EPB41L3: variants seen among roughly 807,000 people sequenced by gnomAD.
EPB41L3 encodes the protein band 4.1-like protein 3.
In EPB41L3, 57 loss-of-function variants were observed where a neutral mutation model predicts 127.1. The observed-to-expected ratio is 0.45, with a 90% confidence interval of 0.36 to 0.56. The LOEUF (loss-of-function observed/expected upper bound fraction) is 0.56. EPB41L3 is among the 20% of genes least tolerant of loss of function. EPB41L3 has a pLI of 0.00. For missense variants in EPB41L3, 1,273 were observed against 1,372.2 expected, an observed-to-expected ratio of 0.93 and a Z score of 1.14; for synonymous variants, 572 against 549.5, an observed-to-expected ratio of 1.04 and a Z score of -0.57.
intron 3 of EPB41L3, among the ~76,000 whole-genome samples, chr18:5,578,882 G>A: frequency 6.6e-6 from 1 of 152,224 alleles, no homozygotes; most frequent in East Asian, 1.9e-4. Context: ...ACATTCATAC[G>A]CCCTACTACC....
intron 6 of EPB41L3, among the ~76,000 whole-genome samples, chr18:5,435,785 A>G (rs1482662547): frequency 6.6e-6 from 1 of 152,238 alleles, no homozygotes; most frequent in Non-Finnish European, 1.5e-5. Context: ...AACAGATTTC[A>G]GGTAACTCAA....
intron 5 of EPB41L3, among the ~76,000 whole-genome samples, chr18:5,442,569 G>A (rs1264277332): frequency 1.3e-5 from 2 of 152,102 alleles, no homozygotes; most frequent in African/African-American, 4.8e-5. Context: ...GTATTTGCTT[G>A]CTCTTTTAAT....
At chr18:5,454,859 G>A (rs1016926117) in intron 3 of EPB41L3, among the ~76,000 whole-genome samples, 4 of 152,172 alleles carry the variant, frequency 2.6e-5, no homozygotes, top group Non-Finnish European at 2.9e-5. Context: ...CTAGAGATGA[G>A]AATTCATCTG....
At chr18:5,433,777 A>G in intron 7 of EPB41L3, 126 bp downstream of exon 7, 1 of 1,101,114 alleles carries the variant, frequency 9.1e-7, no homozygotes, top group East Asian at 2.4e-5. Context: ...TTTACTGTGC[A>G]TGGACCCACA....
intron 1 of EPB41L3, among the ~76,000 whole-genome samples, chr18:5,513,285 A>C (rs893015710): frequency 2.0e-4 from 30 of 152,168 alleles, no homozygotes; most frequent in African/African-American, 7.0e-4. Context: ...GCGTAACCTA[A>C]CCTACGCTAA....
At chr18:5,421,170 C>T (rs1303423450) in intron 11 of EPB41L3, among the ~76,000 whole-genome samples, 1 of 152,132 alleles carries the variant, frequency 6.6e-6, no homozygotes, top group Non-Finnish European at 1.5e-5. Context: ...GACAGCATGA[C>T]ATTAGTACAC....
intron 1 of EPB41L3, among the ~76,000 whole-genome samples, chr18:5,624,974 T>A (rs911012121): frequency 4.6e-5 from 7 of 151,882 alleles, no homozygotes; most frequent in African/African-American, 1.7e-4. Flanking sequence ...GGCATTTCAG[T>A]TGAAAGAAAT....
chr18:5,575,714 G>A (rs2094330580), intron 3 of EPB41L3, among the ~76,000 whole-genome samples: 1 of 152,116 alleles, frequency 6.6e-6, no homozygotes, highest in South Asian at 2.1e-4. Flanking sequence ...GTGGGTACCT[G>A]TAATCCCAGC....
Position 5,471,255 on chromosome 18 carries a change from C to T in EPB41L3, c.381+6986G>A, listed in dbSNP as rs569655332. On this transcript the variant is annotated intron_variant, in intron 3 of 22. Transcript: ENST00000341928. ...CTTTCTGAAGAAGCAGTTGAAAGGG[C>T]AGCACCGCCATCTGAACCCAGGGAA... Among the ~76,000 whole-genome samples, 3 of 152,286 alleles carry T rather than the reference C, an allele frequency of 2.0e-5. No homozygotes were observed. The South Asian group carries it at 6.2e-4, about 32-fold the overall frequency.
At chr18:5,444,031 C>T (rs1180272005) in intron 4 of EPB41L3, 151 bp from the exon 5 acceptor site, 2 of 634,510 alleles carry the variant, frequency 3.2e-6, no homozygotes, top group Non-Finnish European at 5.5e-6. Context: ...ATCTGGTGCC[C>T]CTCTGCCAAG....
chr18:5,540,005 A>T (rs1356718922), intron 1 of EPB41L3, among the ~76,000 whole-genome samples: 1 of 152,250 alleles, frequency 6.6e-6, no homozygotes, highest in Non-Finnish European at 1.5e-5. Context: ...CCCAATAAGT[A>T]AATTGCATCT....
intron 1 of EPB41L3, among the ~76,000 whole-genome samples, chr18:5,529,150 A>G (rs1487005898): frequency 2.6e-5 from 4 of 152,190 alleles, no homozygotes; most frequent in African/African-American, 9.7e-5. Flanking sequence ...GGGCTGCATA[A>G]AAGAAAATAC....
In EPB41L3 at chr18:5,397,275, C is replaced by CCCG. The variant is rs776861641; in HGVS notation, c.2621_2623dup (p.Ala874dup). The stretch of plus-strand genomic sequence containing the variant: ...CTGTGCTGCAGCATCCCCGCTGTCT[C>CCCG]CCGCCGAGTAAGAAGCATCCCCACT... On this transcript the variant is annotated inframe_insertion, in exon 18 of 23. Transcript: ENST00000341928. The surrounding 1 kb of genome is among the most constrained non-coding windows in gnomAD (Gnocchi z 4.1). The CCCG allele has an allele frequency of 6.2e-7, 1 of 1,614,180 alleles. No homozygotes were observed. The highest frequency in any genetic ancestry group is 8.5e-7 in the Non-Finnish European group (1 of 1,180,052).
chr18:5,619,588 G>A (rs184083568), intron 1 of EPB41L3, among the ~76,000 whole-genome samples: 167 of 152,252 alleles, frequency 1.1e-3, no homozygotes, highest in African/African-American at 3.9e-3. Flanking sequence ...TGCCACTTGC[G>A]ATATTCCAGC....
At chr18:5,408,626 A>T (rs1323783678) in intron 14 of EPB41L3, among the ~76,000 whole-genome samples, 3 of 151,866 alleles carry the variant, frequency 2.0e-5, no homozygotes, top group Non-Finnish European at 2.9e-5. Flanking sequence ...GGAGAAGACA[A>T]ATATGGGGCA....
Position 5,434,122 on chromosome 18 carries a change from C to T in EPB41L3, c.606-1G>A. The T allele has an allele frequency of 6.2e-7, 1 of 1,613,582 alleles. No individual in the cohort carries two copies. Among genetic ancestry groups the T allele is most frequent in the Non-Finnish European group, 8.5e-7 (1 of 1,179,640 alleles). On this transcript the variant is annotated splice_acceptor_variant, in intron 6 of 22. Transcript: ENST00000341928. LOFTEE classifies it high-confidence loss of function. ...TCGCAACTGCAAGCAGAGGTAGTAC[C>T]TTCCAGGAACCAAAAGCACAACACA...
rs141270387 is a variant in EPB41L3, at chr18:5,557,283, T to C, written c.-306+55057A>G. Among the ~76,000 whole-genome samples the C allele has an allele frequency of 6.3e-3, 960 of 152,318 alleles. 5 individuals are homozygous for C. The highest frequency in any genetic ancestry group is 9.6e-3 in the Non-Finnish European group (655 of 68,026). On this transcript the variant is annotated intron_variant, in intron 3 of 21. Coordinates refer to the EPB41L3 transcript ENST00000545076. ...AGATATTTAAAAAAGCATATAAAAA[T>C]AGATATCGACATGTGGGCTTTTCCT...
At chr18:5,474,458 T>G (rs923984426) in intron 3 of EPB41L3, among the ~76,000 whole-genome samples, 2 of 152,120 alleles carry the variant, frequency 1.3e-5, no homozygotes, top group African/African-American at 4.8e-5. Flanking sequence ...TGTAGCCTTG[T>G]GTGTGCACAT....
At chr18:5,395,220 G>T in intron 20 of EPB41L3, 73 bp from the exon 21 acceptor site, 1 of 1,231,208 alleles carries the variant, frequency 8.1e-7, no homozygotes, top group Admixed American at 1.7e-5. Context: ...AGGGGGAAAT[G>T]GCCGAAGATG....
Sources: gnomAD v4.1 joint callset for allele counts (sites outside exome capture counted in the v4.1 genomes callset) on GRCh38, gnomAD v4.1.1 for gene constraint, Gnocchi (gnomAD v3.1) non-coding constraint, MANE v1.5 for transcripts, NCBI Gene and HGNC (gene_info 2026-07-23, HGNC 2026-07-21) for gene names.